The following SLC1A3 variants were observed in gnomAD, a reference collection of about 807,000 sequenced individuals.
SLC1A3 encodes excitatory amino acid transporter 1.
SLC1A3 carries 21 observed loss-of-function variants against 48.1 expected under a neutral mutation model. The observed-to-expected ratio is 0.44, with a 90% CI of 0.31 to 0.63. The LOEUF is 0.63. Among genes scored for constraint, SLC1A3 ranks in the 20% least tolerant of loss-of-function variants. The pLI is 0.08. For missense variants in SLC1A3, 546 were observed against 689.0 expected, an observed-to-expected ratio of 0.79 and a Z score of 2.32; for synonymous variants, 239 against 251.4, an observed-to-expected ratio of 0.95 and a Z score of 0.47.
intron 3 of SLC1A3, 38 bp downstream of exon 3, chr5:36,629,625 A>G: frequency 6.3e-7 from 1 of 1,581,802 alleles, no homozygotes; most frequent in African/African-American, 1.4e-5. Context: ...GGTTTTTTTT[A>G]AGTGTGTTTA....
chr5:36,604,910 G>C (rs936064662), upstream of SLC1A3, among the ~76,000 whole-genome samples: 2 of 67,786 alleles, frequency 3.0e-5, no homozygotes, highest in South Asian at 8.3e-4. Flanking sequence ...AAGCGGTGGG[G>C]GGGGGGGGTG....
intron 3 of SLC1A3, among the ~76,000 whole-genome samples, chr5:36,650,686 G>A (rs1164520683): frequency 1.3e-5 from 2 of 152,154 alleles, no homozygotes; most frequent in South Asian, 4.1e-4. Context: ...TTTCAGTCAT[G>A]AGAGATAGAT....
At chr5:36,648,308 T>C (rs1740916199) in intron 3 of SLC1A3, among the ~76,000 whole-genome samples, 1 of 152,198 alleles carries the variant, frequency 6.6e-6, no homozygotes, top group African/African-American at 2.4e-5. Flanking sequence ...TAGGAACTTT[T>C]CAAGGAAATT....
intron 6 of SLC1A3, among the ~76,000 whole-genome samples, chr5:36,678,896 T>C (rs953649259): frequency 6.6e-6 from 1 of 152,252 alleles, no homozygotes; most frequent in African/African-American, 2.4e-5. Context: ...ATAATGAATT[T>C]ATTTTATGGA....
chr5:36,648,928 G>A (rs1001666503), intron 3 of SLC1A3, among the ~76,000 whole-genome samples: 1 of 152,176 alleles, frequency 6.6e-6, no homozygotes, highest in African/African-American at 2.4e-5. Context: ...CTTTTATACT[G>A]CACATAATGA....
At chr5:36,641,024 G>C (rs1265743764) in intron 3 of SLC1A3, among the ~76,000 whole-genome samples, 1 of 151,594 alleles carries the variant, frequency 6.6e-6, no homozygotes. Context: ...CACACCAAGA[G>C]CTGATCACTT....
intron 2 of SLC1A3, chr5:36,612,826 G>T (rs535605136): frequency 4.2e-5 from 19 of 456,090 alleles, no homozygotes; most frequent in South Asian, 2.8e-4. Context: ...CCGGCTCCAG[G>T]TGCTCATTCA....
At chr5:36,673,977 C>A (rs2033224) in intron 4 of SLC1A3, 72 bp from the exon 5 acceptor site, 1 of 1,198,784 alleles carries the variant, frequency 8.3e-7, no homozygotes, top group Non-Finnish European at 1.2e-6. Flanking sequence ...ACCTTACACA[C>A]AATGAAACAG....
In SLC1A3 at chr5:36,683,996, C is replaced by T. The variant is rs1742544421; in HGVS notation, c.1422C>T (p.Phe474=). Residue 474 remains phenylalanine (F), a splice_region_variant and synonymous_variant, in exon 9 of 10, where the codon TTC becomes TTT. Coordinates refer to ENST00000265113, the MANE Select transcript of SLC1A3 (RefSeq NM_004172.5). The part of the protein sequence containing the change: ...DITLIIAVDW[F]LDRLRTTTNV... ...CGCTCATCATCGCGGTGGACTGGTT[C>T]CTGTGAGTATGCTTGGCCTGCATTC... 6.2e-7 allele frequency: 1 copy of T among 1,614,070 alleles called. No homozygotes were observed. Among genetic ancestry groups the T allele is most frequent in the Non-Finnish European group, 8.5e-7 (1 of 1,180,038 alleles).
intron 1 of SLC1A3, among the ~76,000 whole-genome samples, chr5:36,600,451 C>T (rs1024376086): frequency 3.9e-5 from 6 of 152,148 alleles, no homozygotes; most frequent in African/African-American, 7.2e-5. Context: ...GTCACATGAC[C>T]TATCCTGATT....
At chr5:36,607,210 G>C (rs1738986769) in intron 1 of SLC1A3, 1 of 151,940 alleles carries the variant, frequency 6.6e-6, no homozygotes, top group Admixed American at 6.6e-5. Context: ...TTCCTGCACT[G>C]GGATTGCGAG....
rs575792338 is a variant in SLC1A3 at position 36,664,497 on chromosome 5, A to ATT, written c.320-6522_320-6521dup. On this transcript the variant is annotated intron_variant, in intron 3 of 9. Coordinates refer to ENST00000265113, the MANE Select transcript of SLC1A3 (RefSeq NM_004172.5). ...GGGGTTTATGCCAGTGTTTACAAAC[A>ATT]TTTTTTTTTTTACCAGAAACTACAA... Among the ~76,000 whole-genome samples, 542 of 148,212 alleles carry ATT rather than the reference A, an allele frequency of 3.7e-3. 8 individuals carry two copies. The highest frequency in any genetic ancestry group is 0.031 in the Admixed American group (455 of 14,862).
At chr5:36,609,694 C>G (rs1739116376) in intron 2 of SLC1A3, among the ~76,000 whole-genome samples, 1 of 152,124 alleles carries the variant, frequency 6.6e-6, no homozygotes, top group Non-Finnish European at 1.5e-5. Context: ...TCATTGTCTT[C>G]CATTAGTAAT....
chr5:36,670,364 TA>T (rs1741938539), intron 3 of SLC1A3, among the ~76,000 whole-genome samples: 1 of 152,198 alleles, frequency 6.6e-6, no homozygotes, highest in Non-Finnish European at 1.5e-5. Flanking sequence ...TGATAATTTT[TA>T]AAAATTCTTT....
intron 3 of SLC1A3, among the ~76,000 whole-genome samples, chr5:36,637,250 A>G (rs1468190447): frequency 6.6e-6 from 1 of 152,224 alleles, no homozygotes; most frequent in East Asian, 1.9e-4. Flanking sequence ...CTGCTTTACC[A>G]GCCACGACAA....
At chr5:36,684,095 C>A (rs940254975) in intron 9 of SLC1A3, 97 bp downstream of exon 9, 25 of 1,469,200 alleles carry the variant, frequency 1.7e-5, no homozygotes, top group Non-Finnish European at 2.4e-5. Flanking sequence ...AGAAAGAACT[C>A]TGAGGAGAGG....
In SLC1A3 at chr5:36,687,470, C is replaced by A. The variant is rs1461143702; in HGVS notation, c.*1201C>A. On this transcript the variant is annotated 3_prime_UTR_variant, in exon 10 of 10. Transcript: ENST00000265113. ...CTTTTTCTCGAGTCCAAAATCATTC[C>A]CCCCGTGAAGTCTGCTTACCAAAAC... 6.6e-6 allele frequency: 1 copy of A among 151,908 alleles called. No homozygotes were observed. The highest frequency in any genetic ancestry group is 1.5e-5 in the Non-Finnish European group (1 of 68,000). 9.4% of individuals were successfully genotyped at this position (151,908 alleles called of 1,614,324 possible). A position where few individuals can be genotyped will look rare whatever the true frequency, so the allele number is the denominator to read the frequency against.
intron 2 of SLC1A3, among the ~76,000 whole-genome samples, chr5:36,625,236 T>C (rs886148083): frequency 6.6e-6 from 1 of 152,206 alleles, no homozygotes; most frequent in Admixed American, 6.5e-5. Context: ...GGCAGGCGGA[T>C]CACGTGACGT....
chr5:36,598,319 G>A (rs1738767435), intron 1 of SLC1A3, among the ~76,000 whole-genome samples: 2 of 152,170 alleles, frequency 1.3e-5, no homozygotes, highest in Non-Finnish European at 2.9e-5. Flanking sequence ...AAAACACTTG[G>A]CATGGTGCCT....
Sources: allele counts gnomAD v4.1 joint callset (sites outside exome capture counted in the v4.1 genomes callset), GRCh38; gene constraint gnomAD v4.1.1; transcripts MANE v1.5; gene names NCBI Gene and HGNC (gene_info 2026-07-23, HGNC 2026-07-21).